Variants in C19orf38 observed in about 807,000 individuals in gnomAD.
C19orf38 encodes the protein protein HIDE1.
A neutral mutation model predicts 26.6 loss-of-function variants in C19orf38; 14 were observed. That is an observed-to-expected ratio of 0.53 (90% confidence interval 0.35 to 0.82). The LOEUF (loss-of-function observed/expected upper bound fraction) is 0.82. Among genes scored for constraint, C19orf38 ranks in the 40% least tolerant of loss-of-function variants. The pLI, the probability that C19orf38 is intolerant of heterozygous loss-of-function variation, is 0.01. For synonymous variants in C19orf38, 132 were observed against 128.5 expected, an observed-to-expected ratio of 1.03 and a Z score of -0.18; for missense variants, 261 against 299.5, an observed-to-expected ratio of 0.87 and a Z score of 0.95.
intron 5 of C19orf38, among the ~76,000 whole-genome samples, chr19:10,861,877 C>T (rs987969227): frequency 4.0e-5 from 6 of 151,790 alleles, no homozygotes; most frequent in South Asian, 2.1e-4. Flanking sequence ...CGTGAGCCAC[C>T]GCCCTTTTGT....
At chr19:10,857,402 C>T (rs1370717153) in intron 3 of C19orf38, among the ~76,000 whole-genome samples, 3 of 118,864 alleles carry the variant, frequency 2.5e-5, no homozygotes, top group African/African-American at 1.1e-4. Context: ...GAGTCTTGCC[C>T]TGTCACCCAG....
chr19:10,852,250 T>TCAC (rs1295879905), intron 2 of C19orf38, among the ~76,000 whole-genome samples: 1 of 151,994 alleles, frequency 6.6e-6, no homozygotes, highest in African/African-American at 2.4e-5. Context: ...CAGATGTGAG[T>TCAC]CACCATGCCC....
Position 10,841,965 on chromosome 19 carries a change from A to C in C19orf38, c.-69+5195A>C, listed in dbSNP as rs759567185. 1.2e-4 allele frequency: 195 copies of C among 1,610,130 alleles called. No individual in the cohort carries two copies. The Middle Eastern group carries it at 1.8e-3, about 15-fold the overall frequency. On this transcript the variant is annotated intron_variant, in intron 1 of 7. Transcript: ENST00000592854. ...GAATGGGAAGCCAAGTGCCATCTTC[A>C]AAATTTCAGGTCTTAAATCTGGAGA...
chr19:10,855,747 C>G (rs2073618399), intron 2 of C19orf38, among the ~76,000 whole-genome samples: 1 of 152,118 alleles, frequency 6.6e-6, no homozygotes, highest in Non-Finnish European at 1.5e-5. Context: ...CCAGGATGGT[C>G]TCGATCTACT....
upstream of C19orf38, among the ~76,000 whole-genome samples, chr19:10,843,468 T>C (rs949343086): frequency 2.6e-5 from 4 of 152,246 alleles, no homozygotes; most frequent in Non-Finnish European, 5.9e-5. Context: ...CTGCCTCTGT[T>C]ACTGCACTTC....
upstream of C19orf38, among the ~76,000 whole-genome samples, chr19:10,845,876 CAAA>C (rs967662038): frequency 2.8e-3 from 200 of 72,472 alleles, 1 homozygote; most frequent in Non-Finnish European, 3.9e-3. Context: ...AAGACTCCGT[CAAA>C]AAAAAAAAAA....
chr19:10,867,798 G>A (rs1408331152), intron 6 of C19orf38, among the ~76,000 whole-genome samples: 2 of 150,844 alleles, frequency 1.3e-5, no homozygotes, highest in African/African-American at 2.4e-5. Context: ...GATTACAGGC[G>A]CCTGCCACCA....
In C19orf38 at chr19:10,859,928, T is replaced by C. The variant is rs933780088; in HGVS notation, c.475T>C (p.Cys159Arg). 2 of 1,551,984 alleles carry C rather than the reference T, an allele frequency of 1.3e-6. No homozygotes were observed. The highest frequency in any genetic ancestry group is 1.7e-6 in the Non-Finnish European group (2 of 1,146,998). The part of the protein sequence containing the change: ...NLQKKRDRES[C>R]WAQINFDSTD... ...ATTCCTTTGCAGAGATCGAGAATCC[T>C]GCTGGGCCCAGATTAACTTCGACAG... Residue 159 changes from cysteine to arginine, a missense_variant, in exon 5 of 7, where the codon TGC (cysteine) becomes CGC (arginine). Physicochemically the swap from Cys to Arg is radical, Grantham distance 180 (BLOSUM62 -3). Transcript: ENST00000397820.
rs1484640109 is a variant in C19orf38, at chr19:10,857,364, A to ATT, written c.434-951_434-950insTT. ...CATATATATATATATATATATATAT[A>ATT]TATTTTTTTTTTTTTTTTTTTAAGA... On this transcript the variant is annotated intron_variant, in intron 3 of 6. Coordinates refer to ENST00000397820, the MANE Select transcript of C19orf38 (RefSeq NM_001136482.3). 2.3e-3 allele frequency among the ~76,000 whole-genome samples: 182 copies of ATT among 78,144 alleles called. 3 individuals carry two copies. In the East Asian group the frequency reaches 0.026, roughly 11 times the overall value. 51.3% of individuals were successfully genotyped at this position (78,144 alleles called of 152,430 possible).
At chr19:10,857,367 T>TATATATATATATATATATATATATA (rs1491341895) in intron 3 of C19orf38, among the ~76,000 whole-genome samples, 4 of 43,360 alleles carry the variant, frequency 9.2e-5, no homozygotes, top group Non-Finnish European at 1.4e-4. Flanking sequence ...TATATATATA[T>TATATATATATATATATATATATATA]TTTTTTTTTT....
At chr19:10,859,812 G>A (rs2073677972) in intron 4 of C19orf38, 103 bp from the exon 5 acceptor site, 5 of 1,045,876 alleles carry the variant, frequency 4.8e-6, no homozygotes, top group Non-Finnish European at 7.2e-6. Flanking sequence ...GGGAGCAAAG[G>A]CTACATTTTG....
In C19orf38 at chr19:10,860,235, T is replaced by A; in HGVS notation, c.505+277T>A. ...TCCGACCATTCTTCTTACCCCTCGGTAGAAATACAATTAGGCGGCCAGGCG... is the reference window on the plus strand; with the variant it reads ...TCCGACCATTCTTCTTACCCCTCGGAAGAAATACAATTAGGCGGCCAGGCG... On this transcript the variant is annotated intron_variant, in intron 5 of 6. Transcript: ENST00000397820. 3 of 382,908 alleles carry A rather than the reference T, an allele frequency of 7.8e-6. No individual in the cohort carries two copies. In the South Asian group the frequency reaches 1.2e-4, roughly 15 times the overall value. 23.7% of individuals were successfully genotyped at this position (382,908 alleles called of 1,614,324 possible). A position where few individuals can be genotyped will look rare whatever the true frequency, so the allele number is the denominator to read the frequency against.
At position 10,849,058 on chromosome 19, in the gene C19orf38, A is replaced by G. The variant is rs551958480; in HGVS notation, c.31+519A>G. ...ATTCTTCACCCAAGCCTGGGAAAGG[A>G]GATAAAAGTCCTCTGCCCTTCCTTC... On this transcript the variant is annotated intron_variant, in intron 1 of 6. Transcript: ENST00000397820. 5.1e-4 allele frequency among the ~76,000 whole-genome samples: 77 copies of G among 152,166 alleles called. 1 individual carries two copies. The highest frequency in any genetic ancestry group is 9.3e-4 in the Non-Finnish European group (63 of 67,980).
upstream of C19orf38, among the ~76,000 whole-genome samples, chr19:10,844,841 C>A (rs747096573): frequency 2.6e-4 from 35 of 136,210 alleles, no homozygotes; most frequent in Non-Finnish European, 5.4e-4. Context: ...GAGCGAGATT[C>A]CATCTCAAAA....
At position 10,848,457 on chromosome 19, in the gene C19orf38, G is replaced by C; in HGVS notation, c.-52G>C. ...GCCTCACAGGAGGAGTTGGCGGGGA[G>C]CCTTGGGCCCCTCTGGCCTCAGCCG... On this transcript the variant is annotated 5_prime_UTR_variant, in exon 1 of 7. Transcript: ENST00000397820. 1 of 1,547,214 alleles carries C rather than the reference G, an allele frequency of 6.5e-7. No homozygotes were observed. Among genetic ancestry groups the C allele is most frequent in the South Asian group, 1.2e-5 (1 of 83,986 alleles).
At chr19:10,859,276 GTGTA>G (rs762513942) in intron 4 of C19orf38, among the ~76,000 whole-genome samples, 2,567 of 127,650 alleles carry the variant, frequency 0.02, 42 homozygotes, top group Non-Finnish European at 0.034. Context: ...GTGTGTGTGT[GTGTA>G]TGTGTGTGTG....
intron 5 of C19orf38, among the ~76,000 whole-genome samples, chr19:10,861,472 A>C (rs899243627): frequency 2.6e-5 from 4 of 152,254 alleles, no homozygotes; most frequent in African/African-American, 9.6e-5. Context: ...TTCGTAACCA[A>C]GACAGATGTG....
intron 6 of C19orf38, among the ~76,000 whole-genome samples, chr19:10,868,457 G>A (rs1462330904): frequency 6.6e-6 from 1 of 152,156 alleles, no homozygotes; most frequent in Non-Finnish European, 1.5e-5. Context: ...AGACTTTTGA[G>A]GAATGTTTTG....
intron 3 of C19orf38, among the ~76,000 whole-genome samples, chr19:10,857,339 C>CATATATATATATATATATATAT (rs1215628613): frequency 5.6e-5 from 3 of 54,016 alleles, no homozygotes; most frequent in Non-Finnish European, 8.9e-5. Context: ...CACACACATA[C>CATATATATATATATATATATAT]ATATATATAT....
Sources: allele counts gnomAD v4.1 joint callset (sites outside exome capture counted in the v4.1 genomes callset), GRCh38; gene constraint gnomAD v4.1.1; transcripts MANE v1.5; gene names NCBI Gene and HGNC (gene_info 2026-07-23, HGNC 2026-07-21).